Variants in KCNMA1 observed in about 807,000 individuals in gnomAD.
KCNMA1 encodes potassium calcium-activated channel subfamily M alpha 1.
A neutral mutation model predicts 140.0 loss-of-function variants in KCNMA1; 29 were observed. The observed-to-expected ratio is 0.21, with a 90% CI of 0.15 to 0.28. The LOEUF (loss-of-function observed/expected upper bound fraction) is 0.28. Ranked by LOEUF, KCNMA1 falls within the 10% of genes least tolerant of loss-of-function variation. The pLI is 1.00. For synonymous variants in KCNMA1, 612 were observed against 611.9 expected, an observed-to-expected ratio of 1.00 and a Z score of 0.00; for missense variants, 880 against 1,602.2, an observed-to-expected ratio of 0.55 and a Z score of 7.70.
chr10:77,358,666 A>G (rs2093696064), intron 2 of KCNMA1, among the ~76,000 whole-genome samples: 1 of 152,174 alleles, frequency 6.6e-6, no homozygotes, highest in African/African-American at 2.4e-5. Flanking sequence ...CTCAACACAG[A>G]CTTCTCCAAA....
intron 5 of KCNMA1, among the ~76,000 whole-genome samples, chr10:77,180,087 C>T (rs2098791061): frequency 6.6e-6 from 1 of 152,210 alleles, no homozygotes; most frequent in Non-Finnish European, 1.5e-5. Flanking sequence ...AGCTACCGCA[C>T]AGTCCTGTAC....
At chr10:77,484,639 C>T (rs1046659671) in intron 1 of KCNMA1, among the ~76,000 whole-genome samples, 1 of 152,176 alleles carries the variant, frequency 6.6e-6, no homozygotes, top group African/African-American at 2.4e-5. Flanking sequence ...TGTGCCCCTG[C>T]CTGTGTATCT....
intron 1 of KCNMA1, among the ~76,000 whole-genome samples, chr10:77,421,180 T>C (rs2096858802): frequency 6.6e-6 from 1 of 152,264 alleles, no homozygotes; most frequent in South Asian, 2.1e-4. Context: ...TCCTCTTTTC[T>C]AATTCAGGGA....
At position 77,502,961 on chromosome 10, in the gene KCNMA1, C is replaced by T. The variant is rs556529435; in HGVS notation, c.379-98938G>A. On this transcript the variant is annotated intron_variant, in intron 1 of 27. Transcript: ENST00000286628. The stretch of plus-strand genomic sequence containing the variant: ...CCAATTTGGGTTTTTTGTTCAAGAC[C>T]GCTCGGTGAGCTGAGTGTGGCGGCA... Among the ~76,000 whole-genome samples, 54 of 152,182 alleles carry T rather than the reference C, an allele frequency of 3.5e-4. 1 individual carries two copies. Among genetic ancestry groups the T allele is most frequent in the Middle Eastern group, 3.4e-3 (1 of 294 alleles).
intron 19 of KCNMA1, chr10:76,995,503 G>A (rs1331225951): frequency 2.1e-6 from 1 of 470,436 alleles, no homozygotes; most frequent in Admixed American, 2.4e-5. Context: ...TACAGTAAAG[G>A]TCAGGATTTG....
intron 1 of KCNMA1, among the ~76,000 whole-genome samples, chr10:77,495,827 G>A (rs1352717050): frequency 2.0e-5 from 3 of 152,152 alleles, no homozygotes; most frequent in Admixed American, 6.5e-5. Context: ...CCCCACACCA[G>A]GGACTGACCC....
At chr10:77,622,912 TAGAC>T (rs1285759517) in intron 1 of KCNMA1, among the ~76,000 whole-genome samples, 1 of 152,212 alleles carries the variant, frequency 6.6e-6, no homozygotes, top group South Asian at 2.1e-4. Flanking sequence ...AAACCAGTGA[TAGAC>T]AGGCTATCTT....
rs1046673272 is a variant in KCNMA1 at position 77,112,318 on chromosome 10, G to T, written c.960+49C>A. The T allele has an allele frequency of 3.8e-5, 49 of 1,280,870 alleles. 1 individual carries two copies. The East Asian group carries it at 1.1e-3, about 29-fold the overall frequency. The allele number at this position is 1,280,870 out of a possible 1,614,324, so 79.3% of individuals were successfully genotyped here. The stretch of plus-strand genomic sequence containing the variant: ...TTAGGTAATAAAATGACTCAGAGAG[G>T]GTCTTGTTGCAGGCAAGCGAGAGCA... On this transcript the variant is annotated intron_variant, in intron 7 of 27. Transcript: ENST00000286628.
chr10:77,263,762 G>A (rs1184630768), intron 2 of KCNMA1, among the ~76,000 whole-genome samples: 1 of 152,090 alleles, frequency 6.6e-6, no homozygotes, highest in Admixed American at 6.6e-5. Context: ...GCAGGTGCAT[G>A]CTCACATTCC....
At chr10:77,079,389 TG>T (rs572520301) in intron 13 of KCNMA1, 91 bp downstream of exon 13, 64 of 763,762 alleles carry the variant, frequency 8.4e-5, no homozygotes, top group African/African-American at 8.4e-4. Flanking sequence ...TGTGTGTGTG[TG>T]TGTGTGTGTG....
chr10:77,140,523 G>A (rs1027876654), intron 5 of KCNMA1: 8 of 152,668 alleles, frequency 5.2e-5, no homozygotes, highest in African/African-American at 1.7e-4. Flanking sequence ...GAGGGAGATG[G>A]GCTAGGCTTT....
At chr10:76,957,937 T>C (rs1591934386) in intron 20 of KCNMA1, among the ~76,000 whole-genome samples, 1 of 152,228 alleles carries the variant, frequency 6.6e-6, no homozygotes, top group Non-Finnish European at 1.5e-5. Flanking sequence ...ACTATGGCTG[T>C]TGCTGTAGTA....
chr10:77,589,757 C>T (rs149770244), intron 1 of KCNMA1, among the ~76,000 whole-genome samples: 2,086 of 152,140 alleles, frequency 0.014, 47 homozygotes, highest in African/African-American at 0.048. Context: ...TGCAGACCTT[C>T]GCGGTGTTAC....
chr10:77,472,316 G>A (rs1278933291), intron 1 of KCNMA1, among the ~76,000 whole-genome samples: 2 of 134,472 alleles, frequency 1.5e-5, no homozygotes, highest in Non-Finnish European at 3.2e-5. Context: ...CACACAGAGA[G>A]CGTACATACT....
chr10:77,281,488 C>T (rs191243410), intron 2 of KCNMA1, among the ~76,000 whole-genome samples: 2 of 152,148 alleles, frequency 1.3e-5, no homozygotes, highest in Non-Finnish European at 1.5e-5. Context: ...AAAACCATAA[C>T]AGGGATATAT....
intron 3 of KCNMA1, among the ~76,000 whole-genome samples, chr10:77,208,695 C>T (rs1220201881): frequency 6.6e-6 from 1 of 152,078 alleles, no homozygotes; most frequent in African/African-American, 2.4e-5. Flanking sequence ...AATAAAATGG[C>T]TTTATTCTAT....
At chr10:76,930,871 G>A (rs985393253) in intron 23 of KCNMA1, among the ~76,000 whole-genome samples, 1 of 152,182 alleles carries the variant, frequency 6.6e-6, no homozygotes, top group Non-Finnish European at 1.5e-5. Flanking sequence ...ATCATGCTAA[G>A]TGAAATAAGC....
At chr10:77,207,506 C>A (rs1309287689) in intron 3 of KCNMA1, among the ~76,000 whole-genome samples, 1 of 152,110 alleles carries the variant, frequency 6.6e-6, no homozygotes, top group East Asian at 1.9e-4. Context: ...CACTTTGCAC[C>A]TAGTAAGTAC....
rs117480550 is a variant in KCNMA1, at chr10:77,002,324, T to C, written c.2093-744A>G. On this transcript the variant is annotated intron_variant, in intron 18 of 27. Transcript: ENST00000286628. The stretch of plus-strand genomic sequence containing the variant: ...CAAATAAGAAATCACCAAAAGCATA[T>C]GAGATGTTGCTCTATTGGAATGCAT... Among the ~76,000 whole-genome samples the C allele has an allele frequency of 4.3e-3, 655 of 152,260 alleles. 5 individuals carry two copies. The highest frequency in any genetic ancestry group is 7.4e-3 in the Non-Finnish European group (506 of 68,004).
Sources: gnomAD v4.1 joint callset for allele counts (sites outside exome capture counted in the v4.1 genomes callset) on GRCh38, gnomAD v4.1.1 for gene constraint, MANE v1.5 for transcripts, NCBI Gene and HGNC (gene_info 2026-07-23, HGNC 2026-07-21) for gene names.